Variants in CDH12 observed in about 807,000 individuals in gnomAD.
The protein encoded by CDH12 is cadherin-12.
In CDH12, 41 loss-of-function variants were observed where a neutral mutation model predicts 74.1. That is an observed-to-expected ratio of 0.55 (90% CI 0.43 to 0.72). The LOEUF (loss-of-function observed/expected upper bound fraction) is 0.72, where lower values mean the gene tolerates loss of function less well. Ranked by LOEUF, CDH12 falls within the 30% of genes least tolerant of loss-of-function variation. The pLI, the probability that CDH12 is intolerant of heterozygous loss-of-function variation, is 0.00. For synonymous variants in CDH12, 399 were observed against 355.0 expected (o/e 1.12, Z -1.39); for missense variants, 945 against 977.2 (o/e 0.97, Z 0.44).
intron 4 of CDH12, among the ~76,000 whole-genome samples, chr5:22,165,500 A>G (rs920583982): frequency 8.0e-5 from 4 of 50,220 alleles, no homozygotes; most frequent in African/African-American, 2.8e-4. Context: ...ACACATACAC[A>G]TACACACACA....
chr5:22,351,071 C>T (rs562818962), intron 3 of CDH12, among the ~76,000 whole-genome samples: 4 of 152,206 alleles, frequency 2.6e-5, no homozygotes, highest in African/African-American at 9.6e-5. Flanking sequence ...CTTCAACAAT[C>T]CACTAACACA....
intron 4 of CDH12, among the ~76,000 whole-genome samples, chr5:22,090,859 T>C (rs1339102824): frequency 6.6e-6 from 1 of 151,856 alleles, no homozygotes; most frequent in African/African-American, 2.4e-5. Flanking sequence ...ATCTAGAAAA[T>C]GTATTTGATA....
chr5:22,080,573 T>C (rs534187501), intron 4 of CDH12, among the ~76,000 whole-genome samples: 4 of 152,290 alleles, frequency 2.6e-5, no homozygotes, highest in East Asian at 1.9e-4. Context: ...TTGTCCAATA[T>C]GGAAACCTCT....
chr5:22,603,707 G>T (rs893820671), intron 1 of CDH12, among the ~76,000 whole-genome samples: 1 of 152,180 alleles, frequency 6.6e-6, no homozygotes, highest in Admixed American at 6.5e-5. Context: ...AACGGACCTT[G>T]TGGTTTACGA....
chr5:22,299,004 T>A (rs962779406), intron 3 of CDH12, among the ~76,000 whole-genome samples: 3 of 152,078 alleles, frequency 2.0e-5, no homozygotes. Flanking sequence ...TTTTTAGAGG[T>A]AGGGATATAG....
At chr5:22,314,967 T>TTTTTTTTTTG (rs1738556524) in intron 3 of CDH12, among the ~76,000 whole-genome samples, 1 of 80,118 alleles carries the variant, frequency 1.2e-5, no homozygotes, top group Non-Finnish European at 2.5e-5. Flanking sequence ...TTTTTTTTTT[T>TTTTTTTTTTG]TTTTGAGATG....
intron 6 of CDH12, among the ~76,000 whole-genome samples, chr5:21,915,822 C>CTCTGTGTG (rs1554043853): frequency 2.3e-4 from 32 of 140,128 alleles, no homozygotes; most frequent in African/African-American, 8.5e-4. Flanking sequence ...ATCATTTGTG[C>CTCTGTGTG]TGTGTGTGTG....
chr5:21,999,184 A>G (rs1736461798), intron 5 of CDH12, among the ~76,000 whole-genome samples: 1 of 152,046 alleles, frequency 6.6e-6, no homozygotes, highest in South Asian at 2.1e-4. Flanking sequence ...ATTTTTCTTC[A>G]AGTATCAATT....
At chr5:22,326,782 G>T (rs576002855) in intron 3 of CDH12, among the ~76,000 whole-genome samples, 9 of 152,134 alleles carry the variant, frequency 5.9e-5, no homozygotes, top group Non-Finnish European at 1.2e-4. Context: ...CATTTTCACT[G>T]ATAATGATCA....
intron 1 of CDH12, among the ~76,000 whole-genome samples, chr5:22,791,335 C>T (rs990698690): frequency 7.2e-5 from 11 of 152,012 alleles, no homozygotes; most frequent in African/African-American, 2.2e-4. Context: ...TCTAAGTTTT[C>T]GCAGATATAA....
chr5:21,824,957 C>T (rs1235797271), intron 8 of CDH12, among the ~76,000 whole-genome samples: 8 of 152,138 alleles, frequency 5.3e-5, no homozygotes, highest in East Asian at 1.9e-4. Context: ...AGTTCGAGAC[C>T]GGCCTGGCCA....
rs59666017 is a variant in CDH12, at chr5:21,814,142, AGTGTGTGTGTGTGTGTGT to A, written c.1002+2785_1002+2802del. Among the ~76,000 whole-genome samples the A allele has an allele frequency of 3.4e-3, 494 of 145,600 alleles. 2 individuals carry two copies. Among genetic ancestry groups the A allele is most frequent in the African/African-American group, 1.0e-2 (394 of 39,422 alleles). On this transcript the variant is annotated intron_variant, in intron 9 of 14. Coordinates refer to ENST00000382254, the MANE Select transcript of CDH12 (RefSeq NM_004061.5). ...TGATTCATCCACCACAGGAGAAATG[AGTGTGTGTGTGTGTGTGT>A]GTGTGTGTGTGTGTGTGTGTGTGTG...
chr5:22,682,356 A>G (rs892697329), intron 1 of CDH12, among the ~76,000 whole-genome samples: 1 of 152,144 alleles, frequency 6.6e-6, no homozygotes, highest in African/African-American at 2.4e-5. Flanking sequence ...TTTAAAAAGC[A>G]TTATAAATAA....
chr5:22,346,463 T>C (rs1740120116), intron 3 of CDH12, among the ~76,000 whole-genome samples: 1 of 152,172 alleles, frequency 6.6e-6, no homozygotes, highest in African/African-American at 2.4e-5. Context: ...ATCATTGTCT[T>C]CACAGACTTT....
chr5:21,968,285 T>C (rs1018841174), intron 6 of CDH12, among the ~76,000 whole-genome samples: 1 of 152,226 alleles, frequency 6.6e-6, no homozygotes, highest in African/African-American at 2.4e-5. Flanking sequence ...CATTTTCTCC[T>C]TGCTACTTGC....
At position 21,850,727 on chromosome 5, in the gene CDH12, A is replaced by C. The variant is rs536354525; in HGVS notation, c.646+3944T>G. ...ATCAGTCATGTGGGCAAACTTTATC[A>C]TGTTTCCTTAAGCAGAATTTAGAAC... On this transcript the variant is annotated intron_variant, in intron 7 of 14. Coordinates refer to ENST00000382254, the MANE Select transcript of CDH12 (RefSeq NM_004061.5). Among the ~76,000 whole-genome samples the C allele has an allele frequency of 2.2e-4, 33 of 151,602 alleles. No homozygotes were observed. In the South Asian group the frequency reaches 6.8e-3, roughly 31 times the overall value.
At chr5:21,918,765 AATG>A (rs1754222295) in intron 6 of CDH12, among the ~76,000 whole-genome samples, 1 of 152,182 alleles carries the variant, frequency 6.6e-6, no homozygotes, top group Admixed American at 6.5e-5. Context: ...AGGAACACAG[AATG>A]ATATCATTTG....
chr5:22,278,890 A>C (rs1211834086), intron 3 of CDH12, among the ~76,000 whole-genome samples: 1 of 152,208 alleles, frequency 6.6e-6, no homozygotes, highest in African/African-American at 2.4e-5. Flanking sequence ...AATATCATTC[A>C]AATCTCTTTG....
At chr5:22,312,412 C>T (rs940520497) in intron 3 of CDH12, among the ~76,000 whole-genome samples, 5 of 151,748 alleles carry the variant, frequency 3.3e-5, no homozygotes, top group Non-Finnish European at 5.9e-5. Flanking sequence ...GTAAATATAC[C>T]CTTTTGGCTT....
Sources: gnomAD v4.1 joint callset for allele counts (sites outside exome capture counted in the v4.1 genomes callset) on GRCh38, gnomAD v4.1.1 for gene constraint, MANE v1.5 for transcripts, NCBI Gene and HGNC (gene_info 2026-07-23, HGNC 2026-07-21) for gene names.